The following SPP1 variants were observed in gnomAD, a reference collection of about 807,000 sequenced individuals.
SPP1 encodes osteopontin.
SPP1 carries 18 observed loss-of-function variants against 20.8 expected under a neutral mutation model. That is an observed-to-expected ratio of 0.87 (90% CI 0.60 to 1.29). SPP1 has a LOEUF of 1.29. Ranked by LOEUF, SPP1 falls within the 50% of genes most tolerant of loss-of-function variation. The probability of loss-of-function intolerance (pLI) is 0.00; values close to 1 mark genes in which losing one functional copy is unlikely to be tolerated. For synonymous variants in SPP1, 146 were observed against 141.5 expected (o/e 1.03, Z -0.23); for missense variants, 363 against 389.0 (o/e 0.93, Z 0.56).
intron 5 of SPP1, 179 bp downstream of exon 5, chr4:87,980,613 A>G (rs1166850184): frequency 3.1e-6 from 2 of 647,188 alleles, no homozygotes; most frequent in African/African-American, 3.7e-5. Flanking sequence ...GTTTCCTCGG[A>G]TAAGTTTAGC....
Position 87,982,565 on chromosome 4 carries a change from T to C in SPP1, c.614T>C (p.Ile205Thr). Residue 205 changes from isoleucine (I) to threonine (T), a missense_variant, in exon 7 of 7, where the codon ATC becomes ACC. Coordinates refer to ENST00000395080, the MANE Select transcript of SPP1 (RefSeq NM_001040058.2). ...SEELNGAYKAIPVAQDLNAPS... is the reference protein window; with the variant it reads ...SEELNGAYKATPVAQDLNAPS... ...GAGTTGAATGGTGCATACAAGGCCA[T>C]CCCCGTTGCCCAGGACCTGAACGCG... 6.2e-7 allele frequency: 1 copy of C among 1,614,106 alleles called. No homozygotes were observed. The highest frequency in any genetic ancestry group is 8.5e-7 in the Non-Finnish European group (1 of 1,180,020).
At chr4:87,977,865 T>G in intron 3 of SPP1, 1 of 1,233,192 alleles carries the variant, frequency 8.1e-7, no homozygotes, top group Non-Finnish European at 1.0e-6. Flanking sequence ...TCTGTGTTCG[T>G]TTGTGTGTGG....
intron 5 of SPP1, among the ~76,000 whole-genome samples, chr4:87,981,092 T>C (rs1347479067): frequency 6.6e-6 from 1 of 152,182 alleles, no homozygotes; most frequent in Non-Finnish European, 1.5e-5. Flanking sequence ...TTTTGATAAA[T>C]CTCATTTCAA....
At chr4:87,977,942 G>A (rs1725451645) in intron 3 of SPP1, 1 of 848,392 alleles carries the variant, frequency 1.2e-6, no homozygotes. Context: ...TAATAAACCA[G>A]AAAAATTAAC....
Position 87,980,008 on chromosome 4 carries a change from C to CT in SPP1, c.94-31dup, listed in dbSNP as rs1399607220. 6 of 1,600,240 alleles carry CT rather than the reference C, an allele frequency of 3.7e-6. No individual in the cohort carries two copies. The East Asian group carries it at 8.9e-5, about 24-fold the overall frequency. ...GTTTTTTCCATTCATCCCTACATTT[C>CT]TTTTTTTAATAATGATAAACATGCA... On this transcript the variant is annotated intron_variant, in intron 3 of 6. Coordinates refer to ENST00000395080, the MANE Select transcript of SPP1 (RefSeq NM_001040058.2).
chr4:87,975,869 A>G (rs1243741972), intron 1 of SPP1, 69 bp downstream of exon 1: 1 of 152,204 alleles, frequency 6.6e-6, no homozygotes, highest in African/African-American at 2.4e-5. Flanking sequence ...AATTCTAAGG[A>G]AAAATATTTT....
At position 87,981,771 on chromosome 4, in the gene SPP1, TAAG is replaced by T. The variant is rs1224647565; in HGVS notation, c.517_519del (p.Lys173del). ...TGGTTTATGGACTGAGGTCAAAATC[TAAG>T]AAGTTTCGCAGACCTGACATCCAGG... On this transcript the variant is annotated inframe_deletion, in exon 6 of 7. Coordinates refer to ENST00000395080, the MANE Select transcript of SPP1 (RefSeq NM_001040058.2). 1.2e-6 allele frequency: 2 copies of T among 1,613,954 alleles called. No individual in the cohort carries two copies. The highest frequency in any genetic ancestry group is 1.7e-6 in the Non-Finnish European group (2 of 1,179,844).
chr4:87,980,661 C>G (rs1256472019), intron 5 of SPP1: 1 of 537,342 alleles, frequency 1.9e-6, no homozygotes, highest in East Asian at 3.1e-5. Flanking sequence ...TTATTTGAAA[C>G]ATTAATCTGC....
At chr4:87,979,947 A>T in intron 3 of SPP1, 99 bp from the exon 4 acceptor site, 1 of 1,177,790 alleles carries the variant, frequency 8.5e-7, no homozygotes, top group Non-Finnish European at 1.2e-6. Flanking sequence ...GGTCCGGGTG[A>T]CTATATGCTT....
At chr4:87,976,732 T>C (rs1432566518) in intron 1 of SPP1, 150 bp from the exon 2 acceptor site, 2 of 545,002 alleles carry the variant, frequency 3.7e-6, no homozygotes, top group Non-Finnish European at 6.5e-6. Context: ...AAGACTATAA[T>C]ACTAAAAAGA....
At chr4:87,976,772 C>A (rs1051096854) in intron 1 of SPP1, 110 bp from the exon 2 acceptor site, 5 of 693,566 alleles carry the variant, frequency 7.2e-6, no homozygotes, top group African/African-American at 7.2e-5. Context: ...AGAAAAGATT[C>A]TATAGAAAAT....
At chr4:87,982,382 T>A (rs1306677094) in intron 6 of SPP1, 110 bp from the exon 7 acceptor site, 1 of 1,331,078 alleles carries the variant, frequency 7.5e-7, no homozygotes, top group Non-Finnish European at 1.0e-6. Flanking sequence ...CAGCCAGATT[T>A]AGACAATTTT....
chr4:87,979,594 T>G (rs944768400), intron 3 of SPP1, among the ~76,000 whole-genome samples: 2 of 152,156 alleles, frequency 1.3e-5, no homozygotes, highest in African/African-American at 4.8e-5. Flanking sequence ...TAACAGTAAT[T>G]AAGGTCACTT....
chr4:87,979,087 G>A (rs1408352669), intron 3 of SPP1, among the ~76,000 whole-genome samples: 1 of 151,786 alleles, frequency 6.6e-6, no homozygotes, highest in Non-Finnish European at 1.5e-5. Context: ...TTCTACATTG[G>A]CTGATAAGAT....
chr4:87,980,550 C>G lies in SPP1; in HGVS notation c.216+116C>G, dbSNP rs566080966. The G allele has an allele frequency of 6.4e-5, 66 of 1,036,148 alleles. No homozygotes were observed. The African/African-American group carries it at 9.6e-4, about 15-fold the overall frequency. The allele number at this position is 1,036,148 out of a possible 1,614,324, so 64.2% of individuals were successfully genotyped here. A position where few individuals can be genotyped will look rare whatever the true frequency, so the allele number is the denominator to read the frequency against. ...GCAAGTTTTCCAGCTAATTGGCAGT[C>G]TAAAACTTGCTCATAAATAAAACAT... On this transcript the variant is annotated intron_variant, in intron 5 of 6. Coordinates refer to ENST00000395080, the MANE Select transcript of SPP1 (RefSeq NM_001040058.2).
rs1193688413 is a variant in SPP1, at chr4:87,981,789, T to C, written c.531T>C (p.Pro177=). Residue 177 remains proline, a synonymous_variant, in exon 6 of 7, where the codon CCT becomes CCC. Coordinates refer to ENST00000395080, the MANE Select transcript of SPP1 (RefSeq NM_001040058.2). The part of the protein sequence containing the change: ...LRSKSKKFRR[P]DIQYPDATDE... ...CAAAATCTAAGAAGTTTCGCAGACCTGACATCCAGGTAAATCCTTTAACAG... is the reference window on the plus strand; with the variant it reads ...CAAAATCTAAGAAGTTTCGCAGACCCGACATCCAGGTAAATCCTTTAACAG... 3 of 1,613,582 alleles carry C rather than the reference T, an allele frequency of 1.9e-6. No individual in the cohort carries two copies. The highest frequency in any genetic ancestry group is 2.5e-6 in the Non-Finnish European group (3 of 1,179,596).
chr4:87,978,346 G>C (rs1725480329), intron 3 of SPP1, among the ~76,000 whole-genome samples: 1 of 147,812 alleles, frequency 6.8e-6, no homozygotes, highest in Non-Finnish European at 1.5e-5. Flanking sequence ...AAAGTGAAGA[G>C]AAAAACTCTG....
At position 87,982,872 on chromosome 4, in the gene SPP1, T is replaced by C. The variant is rs1725721074; in HGVS notation, c.921T>C (p.Asp307=). ...HLKFRISHEL[D]SASSEVN ...AATTTCGTATTTCTCATGAATTAGA[T>C]AGTGCATCTTCTGAGGTCAATTAAA... The change falls in exon 7 of 7, where the codon GAT becomes GAC. Residue 307 remains aspartate (D), a synonymous_variant. Coordinates refer to ENST00000395080, the MANE Select transcript of SPP1 (RefSeq NM_001040058.2). 1 of 1,612,940 alleles carries C rather than the reference T, an allele frequency of 6.2e-7. No individual in the cohort carries two copies. The highest frequency in any genetic ancestry group is 8.5e-7 in the Non-Finnish European group (1 of 1,179,276).
At chr4:87,979,966 A>G (rs1725577489) in intron 3 of SPP1, 80 bp from the exon 4 acceptor site, 1 of 1,396,808 alleles carries the variant, frequency 7.2e-7, no homozygotes, top group Admixed American at 1.8e-5. Flanking sequence ...TTCCATCAAG[A>G]CTAGTGAAGA....
Sources: gnomAD v4.1 joint callset for allele counts (sites outside exome capture counted in the v4.1 genomes callset) on GRCh38, gnomAD v4.1.1 for gene constraint, MANE v1.5 for transcripts, NCBI Gene and HGNC (gene_info 2026-07-23, HGNC 2026-07-21) for gene names.